The following CLTCL1 variants were observed in gnomAD, a reference collection of about 807,000 sequenced individuals.
CLTCL1 encodes clathrin heavy chain 2.
In CLTCL1, 159 loss-of-function variants were observed where a neutral mutation model predicts 190.0. The ratio of observed to expected loss-of-function variants is 0.84; its 90% confidence interval spans 0.74 to 0.95. The LOEUF (loss-of-function observed/expected upper bound fraction) is 0.95. CLTCL1 is among the 40% of genes least tolerant of loss of function. CLTCL1 has a pLI of 0.00. For synonymous variants in CLTCL1, 752 were observed against 769.6 expected (o/e 0.98, Z 0.38); for missense variants, 1,878 against 2,033.4 (o/e 0.92, Z 1.47).
chr22:19,217,853 GA>G (rs535821018), intron 18 of CLTCL1, among the ~76,000 whole-genome samples: 13,157 of 81,312 alleles, frequency 0.16, 930 homozygotes, highest in East Asian at 0.37. Flanking sequence ...CTCAAAAAGA[GA>G]AAAAAAAAAA....
intron 5 of CLTCL1, among the ~76,000 whole-genome samples, chr22:19,237,376 CAT>C: frequency 6.6e-6 from 1 of 152,236 alleles, no homozygotes; most frequent in African/African-American, 2.4e-5. Flanking sequence ...TAACCGGATA[CAT>C]ATGAGTGGCT....
chr22:19,235,630 G>A (rs1757680682), intron 6 of CLTCL1, 66 bp downstream of exon 6: 5 of 1,483,558 alleles, frequency 3.4e-6, no homozygotes, highest in Non-Finnish European at 3.7e-6. Flanking sequence ...TAGAGAAGGG[G>A]GAAAGTTTAA....
chr22:19,208,333 A>G, intron 21 of CLTCL1, 22 bp from the exon 22 acceptor site: 4 of 1,611,442 alleles, frequency 2.5e-6, no homozygotes, highest in Non-Finnish European at 3.4e-6. Context: ...AAACAAAGAT[A>G]GGTTAACCCA....
intron 11 of CLTCL1, among the ~76,000 whole-genome samples, chr22:19,227,273 A>C (rs536316595): frequency 1.1e-3 from 160 of 150,902 alleles, no homozygotes; most frequent in African/African-American, 3.4e-3. Context: ...ATGAGGCATA[A>C]AATCTTTTTT....
intron 2 of CLTCL1, among the ~76,000 whole-genome samples, chr22:19,271,413 T>C (rs1036112758): frequency 6.6e-6 from 1 of 152,136 alleles, no homozygotes; most frequent in Non-Finnish European, 1.5e-5. Context: ...CTGGACACAC[T>C]GCCTGTGGGT....
At chr22:19,249,981 C>T (rs1055353421) in intron 3 of CLTCL1, 12 of 358,436 alleles carry the variant, frequency 3.3e-5, no homozygotes, top group East Asian at 7.9e-5. Context: ...GGGCCGGGCG[C>T]GGTGGCTCAC....
chr22:19,251,699 G>A (rs950119803), intron 3 of CLTCL1, among the ~76,000 whole-genome samples: 4 of 151,884 alleles, frequency 2.6e-5, no homozygotes, highest in East Asian at 1.9e-4. Context: ...CTCGTGATCC[G>A]CCCGCCTTGG....
chr22:19,258,842 G>C, intron 2 of CLTCL1: 1 of 595,264 alleles, frequency 1.7e-6, no homozygotes, highest in Non-Finnish European at 3.0e-6. Flanking sequence ...GGGAGCAGGA[G>C]GCCAGTAAAA....
At chr22:19,268,706 G>A (rs2087202339) in intron 2 of CLTCL1, among the ~76,000 whole-genome samples, 1 of 152,172 alleles carries the variant, frequency 6.6e-6, no homozygotes. Context: ...TCAAGTGTTG[G>A]CATGGATGTG....
chr22:19,189,007 G>A (rs544373858), intron 27 of CLTCL1, among the ~76,000 whole-genome samples: 69 of 151,090 alleles, frequency 4.6e-4, no homozygotes, highest in African/African-American at 1.6e-3. Flanking sequence ...GGGTTCAAGC[G>A]ATTCTCCTGC....
At chr22:19,253,217 C>G (rs2086651348) in intron 3 of CLTCL1, among the ~76,000 whole-genome samples, 1 of 152,054 alleles carries the variant, frequency 6.6e-6, no homozygotes, top group African/African-American at 2.4e-5. Flanking sequence ...GATGCTGGGA[C>G]TTTGATACAA....
chr22:19,184,502 G>C, intron 29 of CLTCL1: 1 of 456,082 alleles, frequency 2.2e-6, no homozygotes, highest in Non-Finnish European at 4.4e-6. Flanking sequence ...CTGGCATGCT[G>C]CTCATCGATC....
chr22:19,222,859 G>A (rs1555953469), intron 14 of CLTCL1, 50 bp from the exon 15 acceptor site: 1 of 1,562,492 alleles, frequency 6.4e-7, no homozygotes, highest in Non-Finnish European at 8.7e-7. Context: ...AAACCAGACA[G>A]CCAGACCTCG....
chr22:19,194,668 C>T (rs1601469188), intron 26 of CLTCL1, among the ~76,000 whole-genome samples: 1 of 152,256 alleles, frequency 6.6e-6, no homozygotes, highest in South Asian at 2.1e-4. Context: ...GATGGGATAA[C>T]GAGGTTCACA....
chr22:19,234,746 G>C (rs782030222), intron 6 of CLTCL1, 40 bp from the exon 7 acceptor site: 6 of 1,546,552 alleles, frequency 3.9e-6, no homozygotes, highest in East Asian at 2.2e-5. Context: ...CGGCCTAGAA[G>C]AGTGCTCCAC....
chr22:19,210,290 G>A, intron 20 of CLTCL1, 36 bp downstream of exon 20: 1 of 1,599,722 alleles, frequency 6.3e-7, no homozygotes, highest in Non-Finnish European at 8.5e-7. Context: ...GTGGCAGAAG[G>A]TGCTAGGTCC....
At chr22:19,187,786 G>A (rs896822693) in intron 28 of CLTCL1, 58 bp from the exon 29 acceptor site, 14 of 1,560,766 alleles carry the variant, frequency 9.0e-6, no homozygotes, top group Non-Finnish European at 1.1e-5. Context: ...CCTACACATG[G>A]AGCAGGCACC....
Position 19,183,481 on chromosome 22 carries a change from GGGCGAAGCAGGTCATAGCA to G in CLTCL1, c.4717_4735del (p.Cys1573GlnfsTer24). 2 of 1,613,762 alleles carry G rather than the reference GGGCGAAGCAGGTCATAGCA, an allele frequency of 1.2e-6. No individual in the cohort carries two copies. Among genetic ancestry groups the G allele is most frequent in the South Asian group, 2.2e-5 (2 of 91,076 alleles). ...CCAGGCCAGCTCAAGCACCATGTCT[GGGCGAAGCAGGTCATAGCA>G]GGTGAAGAGACAAGCTGCGAAGCAC... On this transcript the variant is annotated frameshift_variant, in exon 30 of 33. Transcript: ENST00000427926. LOFTEE classifies it high-confidence loss of function.
rs542066164 is a variant in CLTCL1, at chr22:19,196,672, C to T, written c.3874-16G>A. ...AGCCACGATCCTAGCAGACCAACAG[C>T]CACGCGTGGGGCAGAGTGATTGCAT... On this transcript the variant is annotated splice_polypyrimidine_tract_variant and intron_variant, in intron 24 of 32. Coordinates refer to ENST00000427926, the MANE Select transcript of CLTCL1 (RefSeq NM_007098.4). 1 of 1,607,020 alleles carries T rather than the reference C, an allele frequency of 6.2e-7. No homozygotes were observed. Among genetic ancestry groups the T allele is most frequent in the East Asian group, 2.2e-5 (1 of 44,554 alleles).
Sources: allele counts gnomAD v4.1 joint callset (sites outside exome capture counted in the v4.1 genomes callset), GRCh38; gene constraint gnomAD v4.1.1; transcripts MANE v1.5; gene names NCBI Gene and HGNC (gene_info 2026-07-23, HGNC 2026-07-21).